The following BAHD1 variants were observed in gnomAD, a reference collection of about 807,000 sequenced individuals.
BAHD1 encodes the protein bromo adjacent homology domain containing 1.
BAHD1 carries 20 observed loss-of-function variants against 63.1 expected under a neutral mutation model. The observed-to-expected ratio is 0.32, with a 90% CI of 0.22 to 0.46. BAHD1 has a LOEUF of 0.46. Ranked by LOEUF, BAHD1 falls within the 20% of genes least tolerant of loss-of-function variation. The pLI, the probability that BAHD1 is intolerant of heterozygous loss-of-function variation, is 1.00. For missense variants in BAHD1, 939 were observed against 1,071.8 expected, an observed-to-expected ratio of 0.88 and a Z score of 1.73; for synonymous variants, 408 against 426.8, an observed-to-expected ratio of 0.96 and a Z score of 0.54.
chr15:40,458,619 G>C lies in BAHD1; in HGVS notation c.155G>C (p.Arg52Pro). Reference protein sequence around the residue: ...PESPGHLTGRRKNYPLRKRPL... With the variant: ...PESPGHLTGRPKNYPLRKRPL... The stretch of plus-strand genomic sequence containing the variant: ...AGCCCAGGTCACCTCACAGGGCGCC[G>C]CAAGAATTACCCACTTCGTAAGCGC... Residue 52 changes from arginine to proline, a missense_variant, in exon 2 of 7, where the codon CGC becomes CCC. Coordinates refer to ENST00000416165, the MANE Select transcript of BAHD1 (RefSeq NM_014952.5). The surrounding 1 kb of genome is among the most constrained non-coding windows in gnomAD (Gnocchi z 4.7). The C allele has an allele frequency of 6.2e-7, 1 of 1,613,986 alleles. No individual in the cohort carries two copies. Among genetic ancestry groups the C allele is most frequent in the Non-Finnish European group, 8.5e-7 (1 of 1,179,992 alleles).
rs1893907185 is a variant in BAHD1 at position 40,458,267 on chromosome 15, G to A, written c.-14-184G>A. On this transcript the variant is annotated intron_variant, in intron 1 of 6. Coordinates refer to ENST00000416165, the MANE Select transcript of BAHD1 (RefSeq NM_014952.5). The surrounding 1 kb of genome is among the most constrained non-coding windows in gnomAD (Gnocchi z 4.7). ...AGGAACCAGTCCTTGCACAGCTGCT[G>A]GTAGCTTGATTCCACTGCCCCTTCA... Among the ~76,000 whole-genome samples, 1 of 152,134 alleles carries A rather than the reference G, an allele frequency of 6.6e-6. No homozygotes were observed. The highest frequency in any genetic ancestry group is 1.5e-5 in the Non-Finnish European group (1 of 68,026).
rs770279191 is a variant in BAHD1, at chr15:40,462,218, CTCGCCGCCGCCG to C, written c.1750_1761del (p.Arg584_Arg587del). The C allele has an allele frequency of 3.7e-6, 6 of 1,611,564 alleles. No homozygotes were observed. The highest frequency in any genetic ancestry group is 2.2e-5 in the East Asian group (1 of 44,856). ...CAGCCACGTGTCCAGCGCCCACGCC[CTCGCCGCCGCCG>C]TCGCCGCCGCACTAATGGCTGGGTA... is the stretch of plus-strand genomic sequence containing the variant. On this transcript the variant is annotated inframe_deletion, in exon 3 of 7. Transcript: ENST00000416165.
chr15:40,464,009 A>C lies in BAHD1; in HGVS notation c.1964A>C (p.Asn655Thr), dbSNP rs1283683585. The C allele has an allele frequency of 1.9e-6, 3 of 1,613,978 alleles. No individual in the cohort carries two copies. The South Asian group carries it at 3.3e-5, about 18-fold the overall frequency. Reference protein sequence around the residue: ...YVAKISALWENPESGELMMSL... With the variant: ...YVAKISALWETPESGELMMSL... ...GCCAAGATCTCTGCCCTCTGGGAGA[A>C]CCCCGAGTCAGGTACCTCTCCCTCT... The change falls in exon 4 of 7, where the codon AAC becomes ACC. Residue 655 changes from asparagine to threonine, a missense_variant. By Grantham distance (65) the Asn-to-Thr change is moderately conservative. Around this residue, in one of 5 missense-constraint regions of BAHD1, gnomAD observed 8 missense variants for 47.7 expected, o/e 0.17. Coordinates refer to ENST00000416165, the MANE Select transcript of BAHD1 (RefSeq NM_014952.5).
At chr15:40,455,556 T>A (rs954523114) in intron 1 of BAHD1, among the ~76,000 whole-genome samples, 1 of 152,214 alleles carries the variant, frequency 6.6e-6, no homozygotes, top group African/African-American at 2.4e-5. Flanking sequence ...CCCAGCCAGC[T>A]GGAGGTCAGG....
chr15:40,455,117 A>G (rs1893812097), intron 1 of BAHD1, among the ~76,000 whole-genome samples: 1 of 152,240 alleles, frequency 6.6e-6, no homozygotes, highest in African/African-American at 2.4e-5. Flanking sequence ...TGGACTTTGC[A>G]CCACAGGAAA....
rs192316714 is a variant in BAHD1 at position 40,460,243 on chromosome 15, G to A, written c.1432+347G>A. Among the ~76,000 whole-genome samples the A allele has an allele frequency of 1.8e-3, 277 of 152,250 alleles. 4 individuals are homozygous for A. The highest frequency in any genetic ancestry group is 0.017 in the Middle Eastern group (5 of 294). On this transcript the variant is annotated intron_variant, in intron 2 of 6. Transcript: ENST00000416165. ...ACTCTGAAGAGCAGGTTAGATATTG[G>A]AATTAGGACTTTTACCAAATTGTTC...
chr15:40,456,707 C>T (rs562967764), intron 1 of BAHD1, among the ~76,000 whole-genome samples: 3 of 152,374 alleles, frequency 2.0e-5, no homozygotes, highest in Non-Finnish European at 4.4e-5. Flanking sequence ...TTGAGACTTT[C>T]AGGGTTAAAT....
At chr15:40,460,039 C>T in intron 2 of BAHD1, 143 bp downstream of exon 2, 1 of 1,092,220 alleles carries the variant, frequency 9.2e-7, no homozygotes, top group South Asian at 1.7e-5. Flanking sequence ...GTGAGAACTC[C>T]CGTAGTCTGT....
chr15:40,462,260 T>C lies in BAHD1; in HGVS notation c.1781T>C (p.Val594Ala). The C allele has an allele frequency of 6.2e-7, 1 of 1,610,462 alleles. No individual in the cohort carries two copies. Among genetic ancestry groups the C allele is most frequent in the Non-Finnish European group, 8.5e-7 (1 of 1,178,308 alleles). The change falls in exon 3 of 7, where the codon GTT becomes GCT. Residue 594 changes from valine to alanine, a missense_variant. By Grantham distance (64) the Val-to-Ala change is moderately conservative (BLOSUM62 0). Transcript: ENST00000416165. ...RRRRTNGWVP[V>A]GAACEKAVYV... is the part of the protein sequence containing the mutation. ...CGCCGCACTAATGGCTGGGTACCTGTTGGGGCTGCGTGTGAGAAGGCTGTG... is the reference window on the plus strand; with the variant it reads ...CGCCGCACTAATGGCTGGGTACCTGCTGGGGCTGCGTGTGAGAAGGCTGTG...
chr15:40,465,826 C>G (rs1894183470), intron 6 of BAHD1, 115 bp from the exon 7 acceptor site: 2 of 1,092,010 alleles, frequency 1.8e-6, no homozygotes, highest in East Asian at 2.4e-5. Context: ...CAGTACCACC[C>G]CTTGGGGAGC....
intron 2 of BAHD1, among the ~76,000 whole-genome samples, chr15:40,460,931 C>T (rs1251634899): frequency 2.0e-5 from 3 of 152,072 alleles, no homozygotes; most frequent in African/African-American, 4.8e-5. Context: ...TGTGCCATTC[C>T]CCAAGTCTAG....
At chr15:40,460,177 G>A (rs1247916081) in intron 2 of BAHD1, among the ~76,000 whole-genome samples, 1 of 152,202 alleles carries the variant, frequency 6.6e-6, no homozygotes, top group Non-Finnish European at 1.5e-5. Context: ...CAGGCCACAG[G>A]AAGGCCTCTC....
chr15:40,458,384 T>C lies in BAHD1; in HGVS notation c.-14-67T>C, dbSNP rs1893910790. ...GCACCTGGGGCTGGGTAGGCTGCAG[T>C]GGGAGAGAAAGCAGGCAGGAGCAGG... On this transcript the variant is annotated intron_variant, in intron 1 of 6. Transcript: ENST00000416165. This position sits in a 1 kb window ranked among gnomAD's most constrained non-coding sequence, Gnocchi z 4.7. 1 of 1,503,194 alleles carries C rather than the reference T, an allele frequency of 6.7e-7. No individual in the cohort carries two copies. Among genetic ancestry groups the C allele is most frequent in the Non-Finnish European group, 8.9e-7 (1 of 1,127,360 alleles). 93.1% of individuals were successfully genotyped at this position (1,503,194 alleles called of 1,614,324 possible).
At chr15:40,442,567 C>A (rs894474596) in intron 1 of BAHD1, among the ~76,000 whole-genome samples, 2 of 152,108 alleles carry the variant, frequency 1.3e-5, no homozygotes, top group African/African-American at 4.8e-5. Flanking sequence ...AAGTCTAACC[C>A]CACCTGGGAC....
intron 6 of BAHD1, 87 bp from the exon 7 acceptor site, chr15:40,465,854 C>G: frequency 7.2e-7 from 1 of 1,392,512 alleles, no homozygotes; most frequent in South Asian, 1.4e-5. Flanking sequence ...GCCTAGCTCT[C>G]TGGGTCGGGT....
Position 40,465,927 on chromosome 15 carries a change from G to A in BAHD1, c.2154-14G>A, listed in dbSNP as rs972761488. 3.9e-6 allele frequency: 6 copies of A among 1,553,118 alleles called. No individual in the cohort carries two copies. Among genetic ancestry groups the A allele is most frequent in the Non-Finnish European group, 5.2e-6 (6 of 1,151,136 alleles). ...GTGGCTGGAGTAAAGACAGTGAATGGTATCTCTCTACAGGTTCTGTGCCAT... is the reference window on the plus strand; with the variant it reads ...GTGGCTGGAGTAAAGACAGTGAATGATATCTCTCTACAGGTTCTGTGCCAT... On this transcript the variant is annotated splice_polypyrimidine_tract_variant and intron_variant, in intron 6 of 6. Coordinates refer to ENST00000416165, the MANE Select transcript of BAHD1 (RefSeq NM_014952.5).
At chr15:40,444,109 C>CTG (rs10692881) in intron 1 of BAHD1, among the ~76,000 whole-genome samples, 71,952 of 150,106 alleles carry the variant, frequency 0.48, 18,385 homozygotes, top group East Asian at 0.89. Context: ...TGTTAAACCT[C>CTG]TGTGTGTGTG....
chr15:40,463,696 A>G (rs1341856654), intron 3 of BAHD1, among the ~76,000 whole-genome samples, 165 bp from the exon 4 acceptor site: 1 of 152,110 alleles, frequency 6.6e-6, no homozygotes, highest in East Asian at 1.9e-4. Context: ...TTCTCCAACC[A>G]TGAGAATTCC....
In BAHD1 at chr15:40,458,163, CCT is replaced by C. The variant is rs893584574; in HGVS notation, c.-14-287_-14-286del. Among the ~76,000 whole-genome samples, 1 of 152,102 alleles carries C rather than the reference CCT, an allele frequency of 6.6e-6. No individual in the cohort carries two copies. Among genetic ancestry groups the C allele is most frequent in the Non-Finnish European group, 1.5e-5 (1 of 68,016 alleles). On this transcript the variant is annotated intron_variant, in intron 1 of 6. Transcript: ENST00000416165. This position sits in a 1 kb window ranked among gnomAD's most constrained non-coding sequence, Gnocchi z 4.7. Reference sequence around the variant, plus strand: ...GCTTTGCCACCAGCTCCTCCTATCCCCTGTCCCTGGGGTCTGCCTTGCTCCCT... The same window carrying C: ...GCTTTGCCACCAGCTCCTCCTATCCCGTCCCTGGGGTCTGCCTTGCTCCCT...
Sources: allele counts gnomAD v4.1 joint callset (sites outside exome capture counted in the v4.1 genomes callset), GRCh38; gene constraint gnomAD v4.1.1; regional missense constraint gnomAD v4.1.1; non-coding constraint Gnocchi (gnomAD v3.1); transcripts MANE v1.5; gene names NCBI Gene and HGNC (gene_info 2026-07-23, HGNC 2026-07-21).